The following DNAH5 variants were observed in gnomAD, a reference collection of about 807,000 sequenced individuals.
The protein encoded by DNAH5 is dynein axonemal heavy chain 5.
DNAH5 carries 372 observed loss-of-function variants against 518.2 expected under a neutral mutation model. The ratio of observed to expected loss-of-function variants is 0.72; its 90% confidence interval spans 0.66 to 0.78. DNAH5 has a LOEUF of 0.78. Ranked by LOEUF, DNAH5 falls within the 30% of genes least tolerant of loss-of-function variation. DNAH5 has a pLI of 0.00. For missense variants in DNAH5, 5,523 were observed against 5,687.0 expected (o/e 0.97, Z 0.93); for synonymous variants, 2,039 against 2,025.9 (o/e 1.01, Z -0.17).
chr5:13,804,563 A>G (rs1759277037), intron 47 of DNAH5, among the ~76,000 whole-genome samples: 1 of 152,336 alleles, frequency 6.6e-6, no homozygotes. Flanking sequence ...GCTTTCTAAA[A>G]CTAATGAGTC....
At chr5:13,915,257 T>C (rs1333966102) in intron 9 of DNAH5, among the ~76,000 whole-genome samples, 3 of 152,076 alleles carry the variant, frequency 2.0e-5, no homozygotes, top group Non-Finnish European at 2.9e-5. Context: ...GGTGGGGGTA[T>C]AGGTGAAACA....
Position 13,841,918 on chromosome 5 carries a change from C to CAAAAA in DNAH5, c.5272-19_5272-15dup, listed in dbSNP as rs35337694. ...TCGATCATAGATCTATGTTAGAAAC[C>CAAAAA]AAAAAAAAAAAAAAAAAAAGCTATA... On this transcript the variant is annotated splice_polypyrimidine_tract_variant and intron_variant, in intron 32 of 78. Coordinates refer to ENST00000265104, the MANE Select transcript of DNAH5 (RefSeq NM_001369.3). 158 of 592,600 alleles carry CAAAAA rather than the reference C, an allele frequency of 2.7e-4. No individual in the cohort carries two copies. The highest frequency in any genetic ancestry group is 6.7e-4 in the South Asian group (32 of 47,714). The allele number at this position is 592,600 out of a possible 1,614,324, so 36.7% of individuals were successfully genotyped here.
chr5:13,809,067 G>C lies in DNAH5; in HGVS notation c.7729C>G (p.Gln2577Glu), dbSNP rs373765248. ...VDNVRTDFLI[Q>E]TIAKQGKAVL... The stretch of plus-strand genomic sequence containing the variant: ...ACCTTGCCCTGTTTAGCAATGGTTT[G>C]AATTAGAAAGTCAGTCCTCACATTG... The change falls in exon 46 of 79, where the codon CAA (glutamine) becomes GAA (glutamate). Residue 2577 changes from glutamine to glutamate, a missense_variant. Around this residue, in one of 3 missense-constraint regions of DNAH5, gnomAD observed 5,121 missense variants for 5,223.3 expected, o/e 0.98. Transcript: ENST00000265104. The C allele has an allele frequency of 1.2e-6, 2 of 1,614,066 alleles. No individual in the cohort carries two copies. Among genetic ancestry groups the C allele is most frequent in the African/African-American group, 1.3e-5 (1 of 74,932 alleles).
At chr5:13,846,430 G>C (rs930556764) in intron 31 of DNAH5, among the ~76,000 whole-genome samples, 4 of 152,124 alleles carry the variant, frequency 2.6e-5, no homozygotes, top group African/African-American at 9.7e-5. Context: ...CTTTACTAGA[G>C]GATTACTTGG....
At chr5:13,860,218 C>A in intron 29 of DNAH5, 1 of 152,634 alleles carries the variant, frequency 6.6e-6, no homozygotes. Context: ...CTGTGGGTGG[C>A]CTCCCAATGT....
chr5:13,850,245 A>G (rs1766637020), intron 31 of DNAH5, among the ~76,000 whole-genome samples: 1 of 152,204 alleles, frequency 6.6e-6, no homozygotes. Flanking sequence ...GTGTGTGTAG[A>G]TAGATATTAG....
intron 68 of DNAH5, among the ~76,000 whole-genome samples, chr5:13,729,967 C>G (rs1031421251): frequency 6.6e-6 from 1 of 152,124 alleles, no homozygotes; most frequent in African/African-American, 2.4e-5. Flanking sequence ...CATCAATTTT[C>G]AATATTAAGA....
chr5:13,727,590 G>A lies in DNAH5; in HGVS notation c.11950C>T (p.Pro3984Ser). 1 of 1,613,844 alleles carries A rather than the reference G, an allele frequency of 6.2e-7. No homozygotes were observed. Residue 3984 changes from proline (P) to serine (S), a missense_variant, in exon 70 of 79, where the codon CCA (proline) becomes TCA (serine). Transcript: ENST00000265104. ...TCAAGAGATTTATCATAGGCATTTG[G>A]AAGAGGTTCCTCCTCCGGGTTTTCC... ...DKENPEEEPL[P>S]NAYDKSLDCF...
At chr5:13,992,035 A>C (rs780113274) in intron 1 of DNAH5, among the ~76,000 whole-genome samples, 40 of 152,246 alleles carry the variant, frequency 2.6e-4, no homozygotes, top group African/African-American at 9.4e-4. Context: ...CAAGAGATGA[A>C]GACAAACACC....
intron 1 of DNAH5, among the ~76,000 whole-genome samples, chr5:13,970,223 G>C (rs1781779498): frequency 2.6e-5 from 4 of 152,156 alleles, no homozygotes. Flanking sequence ...AGAGATACTT[G>C]GTTGGTGGAT....
In DNAH5 at chr5:13,922,185, G is replaced by A. The variant is rs2151995460; in HGVS notation, c.582C>T (p.Asn194=). The stretch of plus-strand genomic sequence containing the variant: ...GGGAGCTCAAGAACTCCTGGCGAAT[G>A]TTAGCTGCGTCCTGAAGGCCCTCGA... The part of the protein sequence containing the change: ...GELEGLQDAA[N]IRQEFLSSLE... Residue 194 remains asparagine, a synonymous_variant, in exon 5 of 79, where the codon AAC becomes AAT. Coordinates refer to ENST00000265104, the MANE Select transcript of DNAH5 (RefSeq NM_001369.3). The A allele has an allele frequency of 1.9e-6, 3 of 1,614,082 alleles. No homozygotes were observed. The highest frequency in any genetic ancestry group is 3.3e-5 in the Admixed American group (2 of 60,024).
rs150536659 is a variant in DNAH5 at position 13,793,601 on chromosome 5, C to G, written c.8138G>C (p.Arg2713Pro). 1 of 1,614,082 alleles carries G rather than the reference C, an allele frequency of 6.2e-7. No individual in the cohort carries two copies. The highest frequency in any genetic ancestry group is 8.5e-7 in the Non-Finnish European group (1 of 1,179,994). ...CTTGAGTCTTTGGGGTATGTCATTG[C>G]GTCCACCACCAGGATGGATCATGGC... ...LAAMIHPGGG[R>P]NDIPQRLKRQ... Residue 2713 changes from arginine to proline, a missense_variant, in exon 49 of 79, where the codon CGC becomes CCC. By Grantham distance (103) the Arg-to-Pro change is moderately radical. Transcript: ENST00000265104.
At chr5:13,793,005 T>C (rs1364112326) in intron 49 of DNAH5, among the ~76,000 whole-genome samples, 1 of 152,240 alleles carries the variant, frequency 6.6e-6, no homozygotes, top group Non-Finnish European at 1.5e-5. Flanking sequence ...GACTAAATTA[T>C]CTATGAAATA....
intron 30 of DNAH5, among the ~76,000 whole-genome samples, chr5:13,858,108 C>T (rs140794908): frequency 4.2e-4 from 64 of 152,288 alleles, no homozygotes; most frequent in African/African-American, 1.5e-3. Context: ...ACTATAAAGA[C>T]ATATGCACAC....
rs1385690104 is a variant in DNAH5 at position 13,784,751 on chromosome 5, G to C, written c.8820+1428C>G. Among the ~76,000 whole-genome samples the C allele has an allele frequency of 6.6e-5, 10 of 152,320 alleles. No individual in the cohort carries two copies. In the East Asian group the frequency reaches 1.9e-3, roughly 29 times the overall value. ...AACTAAAAGGATGTAGTCCGGAAAAGTAGTTGATATCAACTAAGTGAGAAT... is the reference window on the plus strand; with the variant it reads ...AACTAAAAGGATGTAGTCCGGAAAACTAGTTGATATCAACTAAGTGAGAAT... On this transcript the variant is annotated intron_variant, in intron 52 of 78. Transcript: ENST00000265104.
rs150480592 is a variant in DNAH5, at chr5:13,901,230, G to T, written c.2052+22C>A. 9.6e-3 allele frequency: 15,396 copies of T among 1,608,384 alleles called. 104 individuals carry two copies. The highest frequency in any genetic ancestry group is 0.012 in the South Asian group (1,075 of 91,000). On this transcript the variant is annotated intron_variant, in intron 14 of 78. Coordinates refer to ENST00000265104, the MANE Select transcript of DNAH5 (RefSeq NM_001369.3). ...GTTCCCATGATTCCAACAATGGGAA[G>T]AGTATAAATTTAGGGACTCACTTGC...
intron 41 of DNAH5, among the ~76,000 whole-genome samples, chr5:13,819,429 C>T (rs181000715): frequency 5.3e-4 from 81 of 152,250 alleles, no homozygotes; most frequent in African/African-American, 1.9e-3. Flanking sequence ...CAGGGTCCCA[C>T]AGTAAATACT....
chr5:13,913,980 T>C (rs1425529378), intron 10 of DNAH5, 22 bp from the exon 11 acceptor site: 1 of 1,609,690 alleles, frequency 6.2e-7, no homozygotes, highest in African/African-American at 1.3e-5. Flanking sequence ...AAGAAAAATA[T>C]ACAACAAAGG....
intron 1 of DNAH5, among the ~76,000 whole-genome samples, chr5:13,954,058 C>T (rs1273958088): frequency 6.6e-6 from 1 of 152,080 alleles, no homozygotes; most frequent in Non-Finnish European, 1.5e-5. Context: ...AAAGGTCAAA[C>T]CTGGTGGTAA....
Sources: allele counts gnomAD v4.1 joint callset (sites outside exome capture counted in the v4.1 genomes callset), GRCh38; gene constraint gnomAD v4.1.1; regional missense constraint gnomAD v4.1.1; transcripts MANE v1.5; gene names NCBI Gene and HGNC (gene_info 2026-07-23, HGNC 2026-07-21).